Variants in CCAR1 observed in about 807,000 individuals in gnomAD.
CCAR1 encodes the protein cell division cycle and apoptosis regulator 1.
Under a neutral mutation model 163.8 loss-of-function variants are expected in CCAR1, and 78 were observed. The observed-to-expected ratio is 0.48, with a 90% CI of 0.40 to 0.57. The LOEUF is 0.57. CCAR1 is among the 20% of genes least tolerant of loss of function. The pLI is 0.00. For missense variants in CCAR1, 1,019 were observed against 1,365.2 expected (o/e 0.75, Z 4.00); for synonymous variants, 443 against 460.7 (o/e 0.96, Z 0.49).
intron 6 of CCAR1, among the ~76,000 whole-genome samples, chr10:68,743,567 C>T (rs181516249): frequency 2.0e-5 from 3 of 151,018 alleles, no homozygotes; most frequent in African/African-American, 7.3e-5. Flanking sequence ...TTTTTTCAGA[C>T]AGTCTCATTC....
At chr10:68,733,670 T>C (rs1007973807) in intron 2 of CCAR1, among the ~76,000 whole-genome samples, 35 of 152,130 alleles carry the variant, frequency 2.3e-4, no homozygotes, top group African/African-American at 7.7e-4. Flanking sequence ...ATTTATTTTA[T>C]TTATTTTTTA....
intron 19 of CCAR1, among the ~76,000 whole-genome samples, chr10:68,774,194 A>G (rs1424319620): frequency 6.6e-6 from 1 of 150,678 alleles, no homozygotes; most frequent in Non-Finnish European, 1.5e-5. Flanking sequence ...GCCCGGCCTA[A>G]TTTTTAAATG....
rs1047985356 is a variant in CCAR1, at chr10:68,721,296, C to T, written c.-51+14C>T. 1 of 209,992 alleles carries T rather than the reference C, an allele frequency of 4.8e-6. No homozygotes were observed. Among genetic ancestry groups the T allele is most frequent in the Non-Finnish European group, 1.0e-5 (1 of 99,554 alleles). The allele number at this position is 209,992 out of a possible 1,614,324, so 13.0% of individuals were successfully genotyped here. On this transcript the variant is annotated intron_variant, in intron 1 of 24. Coordinates refer to ENST00000265872, the MANE Select transcript of CCAR1 (RefSeq NM_018237.4). ...GACCCGACTCAGGTGAAGGTCTGGT[C>T]CCCGTAGTTGGAGCAGTGGGCGGCC...
At chr10:68,747,786 A>G (rs989189004) in intron 8 of CCAR1, among the ~76,000 whole-genome samples, 10 of 152,198 alleles carry the variant, frequency 6.6e-5, no homozygotes, top group African/African-American at 2.4e-4. Context: ...TATCAAAACT[A>G]TTAAATTACT....
At chr10:68,748,069 GTCTCGAAC>G (rs1170386066) in intron 8 of CCAR1, among the ~76,000 whole-genome samples, 1 of 152,104 alleles carries the variant, frequency 6.6e-6, no homozygotes, top group Non-Finnish European at 1.5e-5. Context: ...GGCCAGGCTG[GTCTCGAAC>G]TCCTGACTTC....
chr10:68,760,888 A>C (rs1313444666), intron 15 of CCAR1, 119 bp from the exon 16 acceptor site: 5 of 419,316 alleles, frequency 1.2e-5, no homozygotes, highest in East Asian at 4.7e-5. Context: ...ACAAAAAAAA[A>C]AAAAACACAC....
chr10:68,778,270 C>T (rs1003109634), intron 19 of CCAR1, among the ~76,000 whole-genome samples: 4 of 152,132 alleles, frequency 2.6e-5, no homozygotes, highest in East Asian at 3.9e-4. Flanking sequence ...GACTCTACCA[C>T]GTCATGTCTC....
At chr10:68,745,027 CAG>C (rs2056234001) in intron 6 of CCAR1, among the ~76,000 whole-genome samples, 3 of 151,936 alleles carry the variant, frequency 2.0e-5, no homozygotes. Flanking sequence ...TTTTTTGAGA[CAG>C]AGTTTCTCTC....
intron 2 of CCAR1, among the ~76,000 whole-genome samples, chr10:68,726,501 C>A (rs748822077): frequency 2.6e-5 from 4 of 152,114 alleles, no homozygotes; most frequent in Admixed American, 6.6e-5. Flanking sequence ...TACCATAGAT[C>A]CTTACTTCCC....
chr10:68,736,225 A>G (rs950016661), intron 2 of CCAR1, among the ~76,000 whole-genome samples: 4 of 152,164 alleles, frequency 2.6e-5, no homozygotes, highest in African/African-American at 9.6e-5. Flanking sequence ...GTATACATAC[A>G]CAATTACTTA....
In CCAR1 at chr10:68,788,064, G is replaced by T; in HGVS notation, c.3001+17G>T. On this transcript the variant is annotated intron_variant, in intron 22 of 24. Coordinates refer to ENST00000265872, the MANE Select transcript of CCAR1 (RefSeq NM_018237.4). ...ATATGCTAGGTCTGAGTAATATTAA[G>T]ATTTTGCTTTTTAATAAATATACTA... 6.4e-7 allele frequency: 1 copy of T among 1,568,070 alleles called. No homozygotes were observed. Among genetic ancestry groups the T allele is most frequent in the African/African-American group, 1.4e-5 (1 of 72,512 alleles).
chr10:68,783,528 A>T lies in CCAR1; in HGVS notation c.2651-2608A>T, dbSNP rs115865933. Among the ~76,000 whole-genome samples, 285 of 151,836 alleles carry T rather than the reference A, an allele frequency of 1.9e-3. 1 individual carries two copies. Among genetic ancestry groups the T allele is most frequent in the African/African-American group, 6.6e-3 (273 of 41,430 alleles). Reference sequence around the variant, plus strand: ...TGGTCCAGCCCTGGGGATATCCCATACTCTTGAGTGCTGAGGAAGGCACGA... The same window carrying T: ...TGGTCCAGCCCTGGGGATATCCCATTCTCTTGAGTGCTGAGGAAGGCACGA... On this transcript the variant is annotated intron_variant, in intron 19 of 24. Transcript: ENST00000265872.
rs1260656361 is a variant in CCAR1, at chr10:68,771,179, T to G, written c.2299-27T>G. On this transcript the variant is annotated intron_variant, in intron 17 of 24. Coordinates refer to ENST00000265872, the MANE Select transcript of CCAR1 (RefSeq NM_018237.4). Reference sequence around the variant, plus strand: ...TTTATTATTTCTGTTGAAATTTGGCTAGGTTCATGTTGATATCTTTTTATA... The same window carrying G: ...TTTATTATTTCTGTTGAAATTTGGCGAGGTTCATGTTGATATCTTTTTATA... The G allele has an allele frequency of 1.9e-6, 3 of 1,549,006 alleles. No homozygotes were observed. In the Admixed American group the frequency reaches 6.6e-5, roughly 34 times the overall value.
At chr10:68,780,828 G>A (rs1013670236) in intron 19 of CCAR1, among the ~76,000 whole-genome samples, 2 of 152,114 alleles carry the variant, frequency 1.3e-5, no homozygotes, top group Non-Finnish European at 2.9e-5. Flanking sequence ...AGAAGATGAC[G>A]AGCTTAATTA....
intron 19 of CCAR1, among the ~76,000 whole-genome samples, chr10:68,773,498 A>G (rs1039207564): frequency 1.3e-5 from 2 of 152,086 alleles, no homozygotes; most frequent in African/African-American, 4.8e-5. Context: ...CCCCATTTCT[A>G]CTAAAAATAC....
chr10:68,758,854 G>T (rs1453191411), intron 15 of CCAR1, among the ~76,000 whole-genome samples: 2 of 151,448 alleles, frequency 1.3e-5, no homozygotes, highest in Admixed American at 1.3e-4. Context: ...TGTATGTTTA[G>T]TAGAGATGGG....
chr10:68,755,566 G>A (rs1189586837), intron 13 of CCAR1, 30 bp downstream of exon 13: 25 of 1,569,268 alleles, frequency 1.6e-5, no homozygotes, highest in Non-Finnish European at 2.1e-5. Flanking sequence ...TTGATTAGAA[G>A]TGTTTTACTG....
At position 68,786,913 on chromosome 10, in the gene CCAR1, C is replaced by T. The variant is rs551724757; in HGVS notation, c.2880+221C>T. On this transcript the variant is annotated intron_variant, in intron 21 of 24. Coordinates refer to ENST00000265872, the MANE Select transcript of CCAR1 (RefSeq NM_018237.4). ...CAGCTTGGCCAACATGGCGTAGCTCCGTCTCTACTAAAAATGCAAAAATTA... is the reference window on the plus strand; with the variant it reads ...CAGCTTGGCCAACATGGCGTAGCTCTGTCTCTACTAAAAATGCAAAAATTA... The T allele has an allele frequency of 3.5e-4, 122 of 351,566 alleles. 3 individuals carry two copies. The South Asian group carries it at 4.1e-3, about 12-fold the overall frequency. The allele number at this position is 351,566 out of a possible 1,614,324, so 21.8% of individuals were successfully genotyped here.
Position 68,742,537 on chromosome 10 carries a change from ATTTG to A in CCAR1, c.488_491del (p.Phe163TrpfsTer19). On this transcript the variant is annotated frameshift_variant, in exon 6 of 25. Coordinates refer to ENST00000265872, the MANE Select transcript of CCAR1 (RefSeq NM_018237.4). ...TTACAAAACTACATGATACGTTTGG[ATTTG>A]TGGATGAAGATGTATTCTTTCAGCT... The A allele has an allele frequency of 6.2e-7, 1 of 1,613,924 alleles. No individual in the cohort carries two copies. Among genetic ancestry groups the A allele is most frequent in the Non-Finnish European group, 8.5e-7 (1 of 1,179,876 alleles).
Sources: gnomAD v4.1 joint callset for allele counts (sites outside exome capture counted in the v4.1 genomes callset) on GRCh38, gnomAD v4.1.1 for gene constraint, MANE v1.5 for transcripts, NCBI Gene and HGNC (gene_info 2026-07-23, HGNC 2026-07-21) for gene names.